Variants in CSMD1 observed in about 807,000 individuals in gnomAD.
CSMD1 encodes CUB and sushi domain-containing protein 1.
CSMD1 carries 213 observed loss-of-function variants against 417.5 expected under a neutral mutation model. The ratio of observed to expected loss-of-function variants is 0.51; its 90% CI spans 0.46 to 0.57. The LOEUF (loss-of-function observed/expected upper bound fraction) is 0.57. Ranked by LOEUF, CSMD1 falls within the 20% of genes least tolerant of loss-of-function variation. The pLI is 0.00. For synonymous variants in CSMD1, 2,862 were observed against 1,736.8 expected (o/e 1.65, Z -16.11); for missense variants, 6,923 against 4,529.7 (o/e 1.53, Z -15.17).
intron 1 of CSMD1, among the ~76,000 whole-genome samples, chr8:4,921,811 C>T (rs180927968): frequency 2.6e-4 from 39 of 152,130 alleles, no homozygotes; most frequent in Admixed American, 7.2e-4. Context: ...CAGATCATGG[C>T]GAGAGGACTT....
At chr8:3,845,956 G>A (rs1479589875) in intron 5 of CSMD1, among the ~76,000 whole-genome samples, 4 of 151,686 alleles carry the variant, frequency 2.6e-5, no homozygotes, top group Non-Finnish European at 5.9e-5. Flanking sequence ...CCCACTGCAG[G>A]CTCCTCAGGG....
intron 1 of CSMD1, among the ~76,000 whole-genome samples, chr8:4,686,973 A>T (rs931783692): frequency 1.3e-5 from 2 of 152,226 alleles, no homozygotes; most frequent in African/African-American, 4.8e-5. Flanking sequence ...TGAACGGCAC[A>T]CAGGGAGGTG....
At chr8:4,411,649 T>A (rs556396826) in intron 3 of CSMD1, among the ~76,000 whole-genome samples, 1 of 152,244 alleles carries the variant, frequency 6.6e-6, no homozygotes, top group South Asian at 2.1e-4. Flanking sequence ...TTCTCAAACC[T>A]AATTTATTTT....
intron 5 of CSMD1, among the ~76,000 whole-genome samples, chr8:3,909,783 A>G (rs1808342195): frequency 6.6e-6 from 1 of 152,174 alleles, no homozygotes; most frequent in South Asian, 2.1e-4. Flanking sequence ...ACAAATTTGA[A>G]AAGTGTTTAA....
At chr8:3,799,055 C>G (rs2129071570) in intron 5 of CSMD1, among the ~76,000 whole-genome samples, 1 of 151,960 alleles carries the variant, frequency 6.6e-6, no homozygotes, top group African/African-American at 2.4e-5. Context: ...GTATAGTATG[C>G]TTAAATAATT....
intron 1 of CSMD1, among the ~76,000 whole-genome samples, chr8:4,917,455 A>G (rs1806141335): frequency 6.6e-6 from 1 of 152,126 alleles, no homozygotes; most frequent in Non-Finnish European, 1.5e-5. Context: ...TAACACGGTG[A>G]AACTCCATCT....
At chr8:4,878,916 A>G (rs1210207460) in intron 1 of CSMD1, among the ~76,000 whole-genome samples, 1 of 151,404 alleles carries the variant, frequency 6.6e-6, no homozygotes, top group Non-Finnish European at 1.5e-5. Flanking sequence ...AGAGAACGAC[A>G]AGGTGAAGAG....
chr8:4,896,673 G>A (rs1804503111), intron 1 of CSMD1, among the ~76,000 whole-genome samples: 1 of 152,084 alleles, frequency 6.6e-6, no homozygotes, highest in South Asian at 2.1e-4. Flanking sequence ...TTTTCCGGGG[G>A]AAGGATTGCA....
chr8:3,765,376 T>A (rs1398679216), intron 5 of CSMD1, among the ~76,000 whole-genome samples: 1 of 152,194 alleles, frequency 6.6e-6, no homozygotes, highest in African/African-American at 2.4e-5. Context: ...TTGTCTTTAA[T>A]AGACTTAACC....
intron 5 of CSMD1, among the ~76,000 whole-genome samples, chr8:3,987,919 C>T (rs1418877320): frequency 6.6e-6 from 1 of 152,152 alleles, no homozygotes; most frequent in Non-Finnish European, 1.5e-5. Context: ...GAGAGTCACA[C>T]CGAATGGTCT....
chr8:3,986,785 T>A (rs1451872235), intron 5 of CSMD1, among the ~76,000 whole-genome samples: 1 of 151,960 alleles, frequency 6.6e-6, no homozygotes, highest in Admixed American at 6.6e-5. Context: ...AGATGGAGTC[T>A]CACCCTGTTG....
chr8:4,509,154 G>C (rs1212808416), intron 2 of CSMD1, among the ~76,000 whole-genome samples: 2 of 152,136 alleles, frequency 1.3e-5, no homozygotes, highest in East Asian at 1.9e-4. Context: ...CTTTTAGGGA[G>C]AATTGAAGTA....
Position 3,157,978 on chromosome 8 carries a change from A to C in CSMD1, c.5845-12T>G. 6.5e-7 allele frequency: 1 copy of C among 1,548,108 alleles called. No homozygotes were observed. The highest frequency in any genetic ancestry group is 8.7e-7 in the Non-Finnish European group (1 of 1,143,666). On this transcript the variant is annotated splice_polypyrimidine_tract_variant and intron_variant, in intron 38 of 69. Transcript: ENST00000635120. ...ATGTGGGAACGGCCCTGTTTAAAAG[A>C]AAACAAAAGAAAATACATATAACTA...
In CSMD1 at chr8:3,574,426, A is replaced by G. The variant is rs192328623; in HGVS notation, c.1344+519T>C. ...CAGCTAATTTTTGTTCGTATTTTTTAGTAGAGATGGGGTTTCACCATGTTG... is the reference window on the plus strand; with the variant it reads ...CAGCTAATTTTTGTTCGTATTTTTTGGTAGAGATGGGGTTTCACCATGTTG... On this transcript the variant is annotated intron_variant, in intron 10 of 69. Coordinates refer to ENST00000635120, the MANE Select transcript of CSMD1 (RefSeq NM_033225.6). Among the ~76,000 whole-genome samples, 53 of 152,122 alleles carry G rather than the reference A, an allele frequency of 3.5e-4. No homozygotes were observed. The East Asian group carries it at 9.5e-3, about 27-fold the overall frequency.
At chr8:3,653,799 A>G (rs1797974260) in intron 7 of CSMD1, among the ~76,000 whole-genome samples, 1 of 152,208 alleles carries the variant, frequency 6.6e-6, no homozygotes, top group South Asian at 2.1e-4. Flanking sequence ...TCGTGACACA[A>G]GTTTAATGAC....
At chr8:4,450,577 G>A (rs761247807) in intron 2 of CSMD1, among the ~76,000 whole-genome samples, 11 of 152,092 alleles carry the variant, frequency 7.2e-5, no homozygotes, top group Non-Finnish European at 1.2e-4. Context: ...AGAGGTTGCA[G>A]CCCAGATCGC....
intron 7 of CSMD1, among the ~76,000 whole-genome samples, chr8:3,692,511 G>A (rs181293196): frequency 1.1e-4 from 17 of 151,436 alleles, no homozygotes; most frequent in South Asian, 2.1e-4. Flanking sequence ...GCGCGATATC[G>A]GCTCACTACA....
chr8:4,888,710 C>T (rs774171565), intron 1 of CSMD1, among the ~76,000 whole-genome samples: 43 of 151,994 alleles, frequency 2.8e-4, no homozygotes, highest in Non-Finnish European at 5.0e-4. Context: ...ATTCCATGGC[C>T]GGTGCAGGGA....
intron 3 of CSMD1, among the ~76,000 whole-genome samples, chr8:4,258,669 A>G (rs923713073): frequency 6.6e-6 from 1 of 151,684 alleles, no homozygotes; most frequent in Non-Finnish European, 1.5e-5. Flanking sequence ...TCTAAAAGTA[A>G]TCACCTTCCA....
Sources: allele counts gnomAD v4.1 joint callset (sites outside exome capture counted in the v4.1 genomes callset), GRCh38; gene constraint gnomAD v4.1.1; transcripts MANE v1.5; gene names NCBI Gene and HGNC (gene_info 2026-07-23, HGNC 2026-07-21).